The following WNK1 variants were observed in gnomAD, a reference collection of about 807,000 sequenced individuals.
The protein encoded by WNK1 is WNK lysine deficient protein kinase 1.
In WNK1, 38 loss-of-function variants were observed where a neutral mutation model predicts 222.8. The ratio of observed to expected loss-of-function variants is 0.17; its 90% confidence interval spans 0.13 to 0.22. The LOEUF (loss-of-function observed/expected upper bound fraction) is 0.22, where lower values mean the gene tolerates loss of function less well. Ranked by LOEUF, WNK1 falls within the 10% of genes least tolerant of loss-of-function variation. The pLI is 1.00. For synonymous variants in WNK1, 1,090 were observed against 1,092.9 expected (o/e 1.00, Z 0.05); for missense variants, 2,348 against 2,918.4 (o/e 0.80, Z 4.50).
chr12:763,512 C>T (rs1941304347), intron 1 of WNK1, among the ~76,000 whole-genome samples: 2 of 146,904 alleles, frequency 1.4e-5, no homozygotes, highest in African/African-American at 4.9e-5. Context: ...TCACTTGAAC[C>T]CGGGAGGTGG....
intron 1 of WNK1, 79 bp downstream of exon 1, chr12:754,403 C>T: frequency 1.3e-6 from 2 of 1,578,444 alleles, no homozygotes; most frequent in South Asian, 1.1e-5. Context: ...CGAGTTCACC[C>T]TTCACTTGGC....
chr12:806,893 G>A (rs1158846477), intron 1 of WNK1, among the ~76,000 whole-genome samples: 2 of 152,128 alleles, frequency 1.3e-5, no homozygotes, highest in East Asian at 1.9e-4. Flanking sequence ...GCTCAATATC[G>A]TATATTCTCA....
chr12:813,564 T>C, intron 1 of WNK1, 78 bp from the exon 2 acceptor site: 1 of 1,460,856 alleles, frequency 6.8e-7, no homozygotes, highest in Non-Finnish European at 9.5e-7. Context: ...TTTAGTAATG[T>C]TTAAGTGTCT....
intron 1 of WNK1, among the ~76,000 whole-genome samples, chr12:780,346 G>C (rs1387176625): frequency 6.6e-6 from 1 of 152,154 alleles, no homozygotes; most frequent in Non-Finnish European, 1.5e-5. Flanking sequence ...AATATGGTCT[G>C]ATTTAACTTT....
intron 4 of WNK1, among the ~76,000 whole-genome samples, chr12:847,844 G>A (rs1003642714): frequency 3.6e-5 from 4 of 110,650 alleles, no homozygotes; most frequent in African/African-American, 1.5e-4. Flanking sequence ...GTCTCACTCT[G>A]TCGTTAGGCT....
chr12:863,804 G>T (rs1469334362), intron 8 of WNK1, among the ~76,000 whole-genome samples: 1 of 152,010 alleles, frequency 6.6e-6, no homozygotes, highest in Non-Finnish European at 1.5e-5. Flanking sequence ...CAGGAATGTG[G>T]CTTACAATAA....
At chr12:768,414 G>A (rs1390357118) in intron 1 of WNK1, among the ~76,000 whole-genome samples, 1 of 152,158 alleles carries the variant, frequency 6.6e-6, no homozygotes. Flanking sequence ...GGGATTACAG[G>A]CGTGAGCTAC....
chr12:832,793 G>T (rs1948895457), intron 4 of WNK1, among the ~76,000 whole-genome samples: 1 of 152,186 alleles, frequency 6.6e-6, no homozygotes, highest in Non-Finnish European at 1.5e-5. Context: ...CAATATAATT[G>T]TAATCCCTGA....
chr12:840,068 T>C, intron 4 of WNK1, among the ~76,000 whole-genome samples: 1 of 151,954 alleles, frequency 6.6e-6, no homozygotes, highest in Admixed American at 6.6e-5. Context: ...CTATGCTTCT[T>C]GGCCAAATTC....
intron 19 of WNK1, among the ~76,000 whole-genome samples, 187 bp downstream of exon 19, chr12:886,271 T>C (rs1246194472): frequency 2.0e-5 from 3 of 152,106 alleles, no homozygotes; most frequent in Admixed American, 2.0e-4. Context: ...TTTTTTCAAG[T>C]GTGGCAGGAT....
chr12:776,412 T>TTGTGTGTGTGTGTGTG lies in WNK1; in HGVS notation c.759+22106_759+22121dup, dbSNP rs59148357. Among the ~76,000 whole-genome samples, 614 of 146,224 alleles carry TTGTGTGTGTGTGTGTG rather than the reference T, an allele frequency of 4.2e-3. 6 individuals are homozygous for TTGTGTGTGTGTGTGTG. Among genetic ancestry groups the TTGTGTGTGTGTGTGTG allele is most frequent in the East Asian group, 6.3e-3 (31 of 4,904 alleles). On this transcript the variant is annotated intron_variant, in intron 1 of 27. Coordinates refer to ENST00000315939, the MANE Select transcript of WNK1 (RefSeq NM_018979.4). Reference sequence around the variant, plus strand: ...CAGATCTCTGTGTGTGTTTGTGTGTTTGTGTGTGTGTGTGTGTGTGTGTGT... The same window carrying TTGTGTGTGTGTGTGTG: ...CAGATCTCTGTGTGTGTTTGTGTGTTTGTGTGTGTGTGTGTGTGTGTGTGTGTGTGTGTGTGTGTGT...
intron 26 of WNK1, among the ~76,000 whole-genome samples, chr12:905,644 T>C: frequency 6.6e-6 from 1 of 152,222 alleles, no homozygotes; most frequent in South Asian, 2.1e-4. Context: ...TCCCCATGCA[T>C]GTGATATGCT....
intron 1 of WNK1, among the ~76,000 whole-genome samples, chr12:786,289 T>A (rs572595917): frequency 2.9e-4 from 44 of 152,342 alleles, no homozygotes; most frequent in African/African-American, 9.4e-4. Flanking sequence ...TTTTATGTTA[T>A]ATATTCATAG....
intron 26 of WNK1, among the ~76,000 whole-genome samples, chr12:903,515 A>G (rs1283761987): frequency 6.6e-6 from 1 of 152,232 alleles, no homozygotes; most frequent in African/African-American, 2.4e-5. Flanking sequence ...GAGGGAAGAA[A>G]GAGAACCAAA....
At chr12:901,487 A>G in intron 26 of WNK1, 3 of 1,095,256 alleles carry the variant, frequency 2.7e-6, no homozygotes, top group Middle Eastern at 4.8e-4. Context: ...TCCAGCCTCA[A>G]GTTTCTAACA....
At chr12:883,700 C>T in intron 16 of WNK1, 74 bp from the exon 17 acceptor site, 1 of 1,596,282 alleles carries the variant, frequency 6.3e-7, no homozygotes. Context: ...GTTCTCTTCA[C>T]ATGTGGCAGT....
intron 6 of WNK1, 38 bp from the exon 7 acceptor site, chr12:860,975 C>G: frequency 6.3e-7 from 1 of 1,583,632 alleles, no homozygotes; most frequent in South Asian, 1.1e-5. Flanking sequence ...TGTTTTCTTT[C>G]AATATACTAC....
intron 10 of WNK1, 48 bp downstream of exon 10, chr12:878,409 A>G (rs951357164): frequency 3.2e-6 from 5 of 1,581,486 alleles, no homozygotes; most frequent in Non-Finnish European, 4.3e-6. Context: ...AATTTCTGAA[A>G]GGGTGCTAAA....
chr12:823,042 G>T (rs1407453044), intron 2 of WNK1, among the ~76,000 whole-genome samples: 2 of 152,020 alleles, frequency 1.3e-5, no homozygotes, highest in Admixed American at 6.6e-5. Flanking sequence ...ATTCGTGGTT[G>T]GCAGTCTTCA....
Sources: gnomAD v4.1 joint callset for allele counts (sites outside exome capture counted in the v4.1 genomes callset) on GRCh38, gnomAD v4.1.1 for gene constraint, MANE v1.5 for transcripts, NCBI Gene and HGNC (gene_info 2026-07-23, HGNC 2026-07-21) for gene names.